CNPY1: variants seen among roughly 807,000 people sequenced by gnomAD.
The protein encoded by CNPY1 is canopy FGF signaling regulator 1.
Under a neutral mutation model 14.4 loss-of-function variants are expected in CNPY1, and 14 were observed. The ratio of observed to expected loss-of-function variants is 0.97; its 90% CI spans 0.64 to 1.52. The LOEUF (loss-of-function observed/expected upper bound fraction) is 1.52. CNPY1 is among the 40% of genes most tolerant of loss of function. The probability of loss-of-function intolerance (pLI) is 0.00; values close to 1 mark genes in which losing one functional copy is unlikely to be tolerated. For missense variants in CNPY1, 129 were observed against 131.5 expected, an observed-to-expected ratio of 0.98 and a Z score of 0.09; for synonymous variants, 43 against 46.5, an observed-to-expected ratio of 0.92 and a Z score of 0.31.
intron 2 of CNPY1, among the ~76,000 whole-genome samples, chr7:155,544,541 A>T (rs1040772828): frequency 1.3e-5 from 2 of 152,238 alleles, no homozygotes; most frequent in African/African-American, 4.8e-5. Context: ...CCCCCACATT[A>T]CACATGTGGA....
chr7:155,506,133 TG>T (rs546035950), intron 4 of CNPY1, among the ~76,000 whole-genome samples: 1 of 152,356 alleles, frequency 6.6e-6, no homozygotes, highest in South Asian at 2.1e-4. Flanking sequence ...ATATAATGGA[TG>T]TAGGTGTATT....
At chr7:155,527,652 G>C (rs2116731524) in intron 2 of CNPY1, among the ~76,000 whole-genome samples, 1 of 148,058 alleles carries the variant, frequency 6.8e-6, no homozygotes, top group Non-Finnish European at 1.5e-5. Context: ...GGATCTCCCT[G>C]TGTTGCCCAG....
intron 2 of CNPY1, among the ~76,000 whole-genome samples, chr7:155,529,097 G>C (rs778291851): frequency 6.6e-6 from 1 of 151,900 alleles, no homozygotes; most frequent in African/African-American, 2.4e-5. Context: ...CTTTGTCCCA[G>C]CCATGAGTAT....
In CNPY1 at chr7:155,527,132, A is replaced by T. The variant is rs558535866; in HGVS notation, c.100-18035T>A. Among the ~76,000 whole-genome samples the T allele has an allele frequency of 1.0e-4, 15 of 144,414 alleles. No homozygotes were observed. In the South Asian group the frequency reaches 3.3e-3, roughly 31 times the overall value. 94.7% of individuals were successfully genotyped at this position (144,414 alleles called of 152,430 possible). A position where few individuals can be genotyped will look rare whatever the true frequency, so the allele number is the denominator to read the frequency against. On this transcript the variant is annotated intron_variant, in intron 2 of 4. Transcript: ENST00000636446. Reference sequence around the variant, plus strand: ...ATTGGCATGATTTCAGCTCACTGCAACCTCTACCTCACGGGTTCAAGCGAT... The same window carrying T: ...ATTGGCATGATTTCAGCTCACTGCATCCTCTACCTCACGGGTTCAAGCGAT...
Position 155,528,863 on chromosome 7 carries a change from A to G in CNPY1, c.99+16968T>C, listed in dbSNP as rs529821937. On this transcript the variant is annotated intron_variant, in intron 2 of 4. Transcript: ENST00000636446. ...ATCACGAGGTCAGGAGATCAAGACC[A>G]TCCTGGCTAACATGATGAAACTGTG... Among the ~76,000 whole-genome samples, 15 of 152,292 alleles carry G rather than the reference A, an allele frequency of 9.8e-5. No individual in the cohort carries two copies. The East Asian group carries it at 1.2e-3, about 12-fold the overall frequency.
intron 2 of CNPY1, among the ~76,000 whole-genome samples, chr7:155,514,142 C>T (rs976163809): frequency 5.9e-5 from 9 of 152,180 alleles, no homozygotes; most frequent in African/African-American, 1.7e-4. Flanking sequence ...AACAATATTG[C>T]GGCATAAACG....
intron 3 of CNPY1, among the ~76,000 whole-genome samples, chr7:155,507,338 T>C (rs1796352816): frequency 6.6e-6 from 1 of 151,568 alleles, no homozygotes; most frequent in African/African-American, 2.4e-5. Flanking sequence ...AAATGATGAG[T>C]TGTGTTGGAA....
At chr7:155,506,804 A>G (rs1796327932) in intron 4 of CNPY1, 1 of 527,332 alleles carries the variant, frequency 1.9e-6, no homozygotes, top group African/African-American at 2.0e-5. Context: ...TAGAGGAAAG[A>G]AAGTACAAAG....
At chr7:155,542,752 G>A (rs945677334) in intron 2 of CNPY1, among the ~76,000 whole-genome samples, 11 of 152,346 alleles carry the variant, frequency 7.2e-5, no homozygotes, top group Admixed American at 1.3e-4. Flanking sequence ...GAGCCAGTGC[G>A]GGCAGAGGCC....
intron 4 of CNPY1, chr7:155,506,774 G>A (rs2116669381): frequency 4.6e-6 from 2 of 433,060 alleles, no homozygotes; most frequent in Non-Finnish European, 8.2e-6. Context: ...AATCAAGAAT[G>A]TTTGAATTCA....
intron 2 of CNPY1, among the ~76,000 whole-genome samples, chr7:155,543,827 A>T (rs1055778590): frequency 1.3e-5 from 2 of 152,208 alleles, no homozygotes; most frequent in Non-Finnish European, 2.9e-5. Flanking sequence ...GGGCAGAAAG[A>T]TCACCTGAGA....
intron 2 of CNPY1, among the ~76,000 whole-genome samples, chr7:155,522,990 T>C (rs1477869324): frequency 1.3e-5 from 2 of 152,184 alleles, no homozygotes; most frequent in African/African-American, 2.4e-5. Flanking sequence ...CCTTTTGTCC[T>C]GGGGGAAAAA....
chr7:155,513,746 G>A (rs779818459), intron 2 of CNPY1, among the ~76,000 whole-genome samples: 1 of 150,584 alleles, frequency 6.6e-6, no homozygotes, highest in Non-Finnish European at 1.5e-5. Flanking sequence ...AAGGCGTAAT[G>A]AATCAACATT....
intron 2 of CNPY1, among the ~76,000 whole-genome samples, chr7:155,525,708 A>G (rs879282651): frequency 6.6e-6 from 1 of 152,160 alleles, no homozygotes; most frequent in Admixed American, 6.5e-5. Flanking sequence ...AAGCCACACT[A>G]TTTGTGTCTT....
At position 155,529,940 on chromosome 7, in the gene CNPY1, G is replaced by A. The variant is rs150497793; in HGVS notation, c.99+15891C>T. Among the ~76,000 whole-genome samples the A allele has an allele frequency of 6.3e-3, 953 of 151,992 alleles. 3 individuals are homozygous for A. The highest frequency in any genetic ancestry group is 0.014 in the Admixed American group (207 of 15,262). On this transcript the variant is annotated intron_variant, in intron 2 of 4. Coordinates refer to ENST00000636446, the MANE Select transcript of CNPY1 (RefSeq NM_001393663.1). ...TGGGATTACGGGCGCCTGCCACCAC[G>A]CCCAGCTAATTTATTGTATTTTTAG...
chr7:155,503,308 G>A (rs6459701), intron 4 of CNPY1, among the ~76,000 whole-genome samples: 141,078 of 152,154 alleles, frequency 0.93, 65,539 homozygotes, highest in East Asian at 0.98. Context: ...CCCAAACCCA[G>A]CTTCAACAAA....
intron 4 of CNPY1, among the ~76,000 whole-genome samples, chr7:155,504,309 A>T (rs1216609665): frequency 6.6e-6 from 1 of 152,140 alleles, no homozygotes; most frequent in East Asian, 1.9e-4. Context: ...TTATATTTTC[A>T]TCCAAACACA....
rs547929842 is a variant in CNPY1 at position 155,519,629 on chromosome 7, T to C, written c.100-10532A>G. ...GATTGAATCCAAACCTGACCTGTTA[T>C]TGGTGGCAAAAAAAAAGACTATTAA... On this transcript the variant is annotated intron_variant, in intron 2 of 4. Transcript: ENST00000636446. Among the ~76,000 whole-genome samples the C allele has an allele frequency of 2.7e-5, 4 of 147,274 alleles. No homozygotes were observed. In the South Asian group the frequency reaches 8.5e-4, roughly 31 times the overall value.
intron 2 of CNPY1, among the ~76,000 whole-genome samples, chr7:155,514,035 T>G (rs1796571616): frequency 6.6e-6 from 1 of 152,254 alleles, no homozygotes; most frequent in Admixed American, 6.5e-5. Flanking sequence ...ACTGCACCTC[T>G]TGGCTGTGCC....
Sources: allele counts gnomAD v4.1 joint callset (sites outside exome capture counted in the v4.1 genomes callset), GRCh38; gene constraint gnomAD v4.1.1; transcripts MANE v1.5; gene names NCBI Gene and HGNC (gene_info 2026-07-23, HGNC 2026-07-21).